The following DAB1 variants were observed in gnomAD, a reference collection of about 807,000 sequenced individuals.
DAB1 encodes the protein DAB adaptor protein 1.
In DAB1, 15 loss-of-function variants were observed where a neutral mutation model predicts 64.6. That is an observed-to-expected ratio of 0.23 (90% CI 0.16 to 0.36). DAB1 has a LOEUF of 0.36. Ranked by LOEUF, DAB1 falls within the 10% of genes least tolerant of loss-of-function variation. DAB1 has a pLI of 1.00. For synonymous variants in DAB1, 235 were observed against 251.9 expected (o/e 0.93, Z 0.64); for missense variants, 596 against 706.7 (o/e 0.84, Z 1.78).
chr1:57,676,480 T>C (rs1205997756), intron 6 of DAB1, among the ~76,000 whole-genome samples: 4 of 152,178 alleles, frequency 2.6e-5, no homozygotes, highest in African/African-American at 9.7e-5. Context: ...GCAATTCCTG[T>C]TACATTTTTA....
intron 4 of DAB1, 81 bp downstream of exon 4, chr1:57,136,462 C>T (rs1288568911): frequency 1.3e-5 from 9 of 713,946 alleles, no homozygotes; most frequent in East Asian, 2.8e-5. Context: ...GTTGTATATT[C>T]CTGCCCAGAG....
Position 57,915,133 on chromosome 1 carries a change from A to T in DAB1, n.388-30971T>A, listed in dbSNP as rs1295813554. Among the ~76,000 whole-genome samples, 17 of 136,068 alleles carry T rather than the reference A, an allele frequency of 1.2e-4. No homozygotes were observed. The Admixed American group carries it at 1.3e-3, about 11-fold the overall frequency. The allele number at this position is 136,068 out of a possible 152,430, so 89.3% of individuals were successfully genotyped here. ...AAACAATGATTCTTTAAATCATAAAAAAAAAAAAAAAAGAACTGGAAGGAA... is the reference window on the plus strand; with the variant it reads ...AAACAATGATTCTTTAAATCATAAATAAAAAAAAAAAAGAACTGGAAGGAA... On this transcript the variant is annotated intron_variant and non_coding_transcript_variant, in intron 5 of 20. Transcript: ENST00000485760.
chr1:57,434,704 T>C (rs1685626740), intron 7 of DAB1, among the ~76,000 whole-genome samples: 1 of 152,222 alleles, frequency 6.6e-6, no homozygotes. Flanking sequence ...ACCTAGGCTA[T>C]ATGGTATAGC....
At chr1:57,903,666 C>T (rs966481445) in intron 5 of DAB1, among the ~76,000 whole-genome samples, 3 of 152,150 alleles carry the variant, frequency 2.0e-5, no homozygotes, top group African/African-American at 7.2e-5. Context: ...TGTCTTCACA[C>T]CAGAGGCTAA....
intron 3 of DAB1, among the ~76,000 whole-genome samples, chr1:58,406,987 G>T (rs960817594): frequency 6.6e-6 from 1 of 152,166 alleles, no homozygotes; most frequent in South Asian, 2.1e-4. Context: ...GCGTGCTAAT[G>T]TTATCATTGC....
intron 7 of DAB1, among the ~76,000 whole-genome samples, chr1:57,632,707 C>T (rs1370418186): frequency 6.6e-6 from 1 of 152,026 alleles, no homozygotes; most frequent in Non-Finnish European, 1.5e-5. Context: ...AGAGATAACA[C>T]CTGAAACTGA....
intron 3 of DAB1, among the ~76,000 whole-genome samples, chr1:58,397,607 A>G (rs1162648207): frequency 6.6e-6 from 1 of 152,206 alleles, no homozygotes; most frequent in Non-Finnish European, 1.5e-5. Context: ...CTCTCACAGG[A>G]GCCACTGGTG....
chr1:58,520,193 G>A (rs1646240537), intron 2 of DAB1, among the ~76,000 whole-genome samples: 2 of 151,980 alleles, frequency 1.3e-5, no homozygotes, highest in African/African-American at 4.8e-5. Flanking sequence ...CCAAATCTTA[G>A]CAACGTGCAA....
intron 7 of DAB1, among the ~76,000 whole-genome samples, chr1:57,563,471 T>A (rs1645077302): frequency 6.6e-6 from 1 of 152,028 alleles, no homozygotes; most frequent in Non-Finnish European, 1.5e-5. Flanking sequence ...CCACCAAGCA[T>A]GAGCCGAAGC....
intron 2 of DAB1, among the ~76,000 whole-genome samples, chr1:57,184,082 A>G (rs1031966143): frequency 2.5e-5 from 3 of 117,712 alleles, no homozygotes; most frequent in African/African-American, 1.4e-4. Context: ...CGACTTTTCC[A>G]AAAAGAATTA....
At chr1:58,010,652 G>C (rs1557608411) in intron 5 of DAB1, among the ~76,000 whole-genome samples, 2 of 152,166 alleles carry the variant, frequency 1.3e-5, no homozygotes, top group Non-Finnish European at 2.9e-5. Context: ...AAAATTGAGA[G>C]AGGCACAATA....
intron 7 of DAB1, among the ~76,000 whole-genome samples, chr1:57,498,472 A>G (rs947848812): frequency 6.6e-6 from 1 of 152,338 alleles, no homozygotes; most frequent in Admixed American, 6.5e-5. Context: ...GTGTCCCACC[A>G]AAGTGGAGAA....
intron 2 of DAB1, among the ~76,000 whole-genome samples, chr1:57,158,460 C>G (rs1660446091): frequency 6.6e-6 from 1 of 152,164 alleles, no homozygotes; most frequent in African/African-American, 2.4e-5. Context: ...GCTATCCATC[C>G]TGATGATAAG....
In DAB1 at chr1:57,841,818, G is replaced by T. The variant is rs182151875; in HGVS notation, n.88-15363C>A. On this transcript the variant is annotated intron_variant and non_coding_transcript_variant, in intron 1 of 1. Transcript: ENST00000477280. ...TGAAGATCTCTGAAATGGGGCTGCT[G>T]TGAAGATCTCTGAAATGCCTTGGTG... Among the ~76,000 whole-genome samples, 443 of 152,238 alleles carry T rather than the reference G, an allele frequency of 2.9e-3. 1 individual carries two copies. Among genetic ancestry groups the T allele is most frequent in the African/African-American group, 0.01 (435 of 41,532 alleles).
At position 57,071,647 on chromosome 1, in the gene DAB1, A is replaced by G; in HGVS notation, c.439-6T>C. ...TCCAGAATAACAGGTTCAGCCTGGG[A>G]TGAAAGGTAGTAAGGCACATCATAA... On this transcript the variant is annotated splice_region_variant and splice_polypyrimidine_tract_variant and intron_variant, in intron 5 of 14. Transcript: ENST00000371236. 1 of 1,612,686 alleles carries G rather than the reference A, an allele frequency of 6.2e-7. No individual in the cohort carries two copies. The highest frequency in any genetic ancestry group is 8.5e-7 in the Non-Finnish European group (1 of 1,179,756).
chr1:57,329,161 G>A (rs1676432132), intron 1 of DAB1, among the ~76,000 whole-genome samples: 1 of 152,140 alleles, frequency 6.6e-6, no homozygotes, highest in Admixed American at 6.5e-5. Context: ...AGCACAATGA[G>A]TGCTGAACCC....
At chr1:57,109,605 T>G (rs1408933334) in intron 4 of DAB1, among the ~76,000 whole-genome samples, 1 of 152,248 alleles carries the variant, frequency 6.6e-6, no homozygotes, top group Non-Finnish European at 1.5e-5. Context: ...CACAATTTTA[T>G]GAATATAGTT....
intron 7 of DAB1, among the ~76,000 whole-genome samples, chr1:57,646,234 T>C (rs923673908): frequency 1.3e-5 from 2 of 152,044 alleles, no homozygotes; most frequent in Non-Finnish European, 2.9e-5. Context: ...TTCTAAAAGG[T>C]AATGGCAAAC....
intron 2 of DAB1, among the ~76,000 whole-genome samples, chr1:58,517,808 C>A (rs1366487595): frequency 6.6e-6 from 1 of 151,914 alleles, no homozygotes; most frequent in Admixed American, 6.6e-5. Flanking sequence ...AAATGTCAAT[C>A]CAAAGTAGGG....
Sources: allele counts gnomAD v4.1 joint callset (sites outside exome capture counted in the v4.1 genomes callset), GRCh38; gene constraint gnomAD v4.1.1; transcripts MANE v1.5; gene names NCBI Gene and HGNC (gene_info 2026-07-23, HGNC 2026-07-21).